PPP1R12B: variants seen among roughly 807,000 people sequenced by gnomAD.
PPP1R12B encodes the protein protein phosphatase 1 regulatory subunit 12B, also known as myosin phosphatase target subunit 2.
In PPP1R12B, 76 loss-of-function variants were observed where a neutral mutation model predicts 126.1. The observed-to-expected ratio is 0.60, with a 90% CI of 0.50 to 0.73. The LOEUF (loss-of-function observed/expected upper bound fraction) is 0.73, where lower values mean the gene tolerates loss of function less well. PPP1R12B is among the 30% of genes least tolerant of loss of function. The probability of loss-of-function intolerance (pLI) is 0.00; values close to 1 mark genes in which losing one functional copy is unlikely to be tolerated. For synonymous variants in PPP1R12B, 356 were observed against 434.7 expected (o/e 0.82, Z 2.25); for missense variants, 1,052 against 1,205.1 (o/e 0.87, Z 1.88).
intron 1 of PPP1R12B, among the ~76,000 whole-genome samples, chr1:202,365,987 C>T (rs1213615033): frequency 6.6e-6 from 1 of 151,946 alleles, no homozygotes; most frequent in Non-Finnish European, 1.5e-5. Context: ...AAGACCCTGT[C>T]CCTCCACTCC....
At chr1:202,550,549 T>G (rs1686200752) in intron 18 of PPP1R12B, among the ~76,000 whole-genome samples, 1 of 152,232 alleles carries the variant, frequency 6.6e-6, no homozygotes, top group Admixed American at 6.5e-5. Flanking sequence ...GCTTCTTAGG[T>G]GTTCATTGAG....
chr1:202,417,627 A>G (rs995505654), intron 2 of PPP1R12B, among the ~76,000 whole-genome samples: 8 of 152,242 alleles, frequency 5.3e-5, no homozygotes, highest in African/African-American at 1.7e-4. Context: ...ATGGCAGTCG[A>G]AACATCTTTA....
chr1:202,381,268 A>G (rs1043691835), intron 1 of PPP1R12B, among the ~76,000 whole-genome samples: 6 of 152,150 alleles, frequency 3.9e-5, no homozygotes, highest in East Asian at 1.9e-4. Flanking sequence ...GTGATTATCT[A>G]TCTTACCCTT....
Position 202,422,709 on chromosome 1 carries a change from A to G in PPP1R12B, c.512A>G (p.Asp171Gly), listed in dbSNP as rs774709705. The part of the protein sequence containing the change: ...SDLAEEPAMK[D>G]LLLEQVKKQG... ...CTTGCAGAAGAGCCAGCCATGAAGGATCTTCTTCTGGAGCAAGTAAAGAAG... is the reference window on the plus strand; with the variant it reads ...CTTGCAGAAGAGCCAGCCATGAAGGGTCTTCTTCTGGAGCAAGTAAAGAAG... The change falls in exon 3 of 24, where the codon GAT becomes GGT. Residue 171 changes from aspartate to glycine, a missense_variant. Asp to Gly is a moderately conservative substitution (Grantham distance 94, BLOSUM62 -1). Coordinates refer to ENST00000608999, the MANE Select transcript of PPP1R12B (RefSeq NM_002481.4). 6.2e-7 allele frequency: 1 copy of G among 1,613,804 alleles called. No homozygotes were observed. The highest frequency in any genetic ancestry group is 8.5e-7 in the Non-Finnish European group (1 of 1,179,784).
intron 13 of PPP1R12B, among the ~76,000 whole-genome samples, chr1:202,464,007 T>G (rs543925125): frequency 1.3e-5 from 2 of 152,196 alleles, no homozygotes; most frequent in African/African-American, 4.8e-5. Flanking sequence ...ATGCGTGACC[T>G]TCTTTCTAGA....
chr1:202,437,877 A>G lies in PPP1R12B; in HGVS notation c.1311A>G (p.Ser437=), dbSNP rs767242488. 1 of 1,613,900 alleles carries G rather than the reference A, an allele frequency of 6.2e-7. No individual in the cohort carries two copies. The highest frequency in any genetic ancestry group is 8.5e-7 in the Non-Finnish European group (1 of 1,179,858). The change falls in exon 10 of 24, where the codon TCA becomes TCG. Residue 437 remains serine (S), a synonymous_variant. Coordinates refer to ENST00000608999, the MANE Select transcript of PPP1R12B (RefSeq NM_002481.4). ...PEEPKDESPS[S]WRLGLRKTGS... is the part of the protein sequence containing the mutation. ...AGCCCAAAGATGAATCTCCTTCTTC[A>G]TGGAGATTGGGACTGAGAAAAACTG...
chr1:202,490,758 A>C (rs182304412), intron 14 of PPP1R12B, among the ~76,000 whole-genome samples: 1 of 152,340 alleles, frequency 6.6e-6, no homozygotes, highest in Non-Finnish European at 1.5e-5. Context: ...TACTTAGCAT[A>C]GTTATCAAGG....
At chr1:202,467,480 T>C (rs1675190749) in intron 13 of PPP1R12B, among the ~76,000 whole-genome samples, 1 of 151,654 alleles carries the variant, frequency 6.6e-6, no homozygotes, top group African/African-American at 2.4e-5. Context: ...CGGTGTTTGG[T>C]TTTTTGTCCT....
At chr1:202,567,884 T>C (rs569435094) in intron 22 of PPP1R12B, 53 bp downstream of exon 22, 39 of 1,590,202 alleles carry the variant, frequency 2.5e-5, no homozygotes, top group Non-Finnish European at 3.2e-5. Flanking sequence ...TCTTTCTGAC[T>C]CTCTCCCACT....
At chr1:202,380,786 C>T (rs1482097604) in intron 1 of PPP1R12B, among the ~76,000 whole-genome samples, 2 of 152,120 alleles carry the variant, frequency 1.3e-5, no homozygotes, top group African/African-American at 2.4e-5. Flanking sequence ...TGTGTATATG[C>T]CTTTTGAATT....
In PPP1R12B at chr1:202,583,114, T is replaced by A. The variant is rs1357898601; in HGVS notation, c.*2554T>A. 6.6e-6 allele frequency: 1 copy of A among 152,206 alleles called. No homozygotes were observed. Among genetic ancestry groups the A allele is most frequent in the Admixed American group, 6.5e-5 (1 of 15,284 alleles). The allele number at this position is 152,206 out of a possible 1,614,324, so 9.4% of individuals were successfully genotyped here. A position where few individuals can be genotyped will look rare whatever the true frequency, so the allele number is the denominator to read the frequency against. On this transcript the variant is annotated 3_prime_UTR_variant, in exon 24 of 24. Transcript: ENST00000608999. ...GTAATAAGTTTTATATCCTTCATTCTGGGAGAGGAAATCAACATAAGGTGT... is the reference window on the plus strand; with the variant it reads ...GTAATAAGTTTTATATCCTTCATTCAGGGAGAGGAAATCAACATAAGGTGT...
At chr1:202,466,932 C>CT (rs1272139388) in intron 13 of PPP1R12B, among the ~76,000 whole-genome samples, 2 of 152,088 alleles carry the variant, frequency 1.3e-5, no homozygotes, top group African/African-American at 4.8e-5. Flanking sequence ...GGAAATCAAA[C>CT]TAGAAGGCTT....
rs1461939533 is a variant in PPP1R12B, at chr1:202,508,090, C to T, written c.2490+11268C>T. Among the ~76,000 whole-genome samples, 1 of 152,180 alleles carries T rather than the reference C, an allele frequency of 6.6e-6. No homozygotes were observed. The highest frequency in any genetic ancestry group is 1.5e-5 in the Non-Finnish European group (1 of 68,028). On this transcript the variant is annotated intron_variant, in intron 18 of 23. Transcript: ENST00000608999. This position sits in a 1 kb window ranked among gnomAD's most constrained non-coding sequence, Gnocchi z 4.5. The stretch of plus-strand genomic sequence containing the variant: ...TACCTATCCCAAGCTGTAAAGCTTC[C>T]TGTATAAAGCTTGTAAAAATGTAAA...
chr1:202,536,361 C>T (rs956645516), intron 18 of PPP1R12B, among the ~76,000 whole-genome samples: 16 of 152,094 alleles, frequency 1.1e-4, no homozygotes, highest in African/African-American at 3.6e-4. Flanking sequence ...AGAGCTGGAA[C>T]ATGATAAGTA....
chr1:202,353,480 C>A (rs1027653806), intron 1 of PPP1R12B, among the ~76,000 whole-genome samples: 10 of 151,498 alleles, frequency 6.6e-5, no homozygotes, highest in Admixed American at 4.6e-4. Flanking sequence ...GACCTCAAAG[C>A]CATATTGGGA....
chr1:202,418,436 G>C (rs1261715256), intron 2 of PPP1R12B, among the ~76,000 whole-genome samples: 1 of 150,940 alleles, frequency 6.6e-6, no homozygotes, highest in Admixed American at 6.6e-5. Context: ...TTATCCTCCT[G>C]TGTGTGAAGC....
At chr1:202,351,227 G>A (rs1901523) in intron 1 of PPP1R12B, among the ~76,000 whole-genome samples, 3,382 of 149,030 alleles carry the variant, frequency 0.023, 130 homozygotes, top group African/African-American at 0.079. Context: ...TGTTGTTGTT[G>A]TTGTTGTTGT....
chr1:202,353,829 T>C (rs1656524742), intron 1 of PPP1R12B, among the ~76,000 whole-genome samples: 1 of 152,056 alleles, frequency 6.6e-6, no homozygotes, highest in South Asian at 2.1e-4. Context: ...CCAGGGCTGA[T>C]CTTGAACTCC....
intron 12 of PPP1R12B, among the ~76,000 whole-genome samples, chr1:202,444,185 A>C (rs113596508): frequency 6.4e-4 from 97 of 152,326 alleles, no homozygotes; most frequent in African/African-American, 2.1e-3. Flanking sequence ...ATCTTTGAAA[A>C]TGAGAATGAG....
Sources: gnomAD v4.1 joint callset for allele counts (sites outside exome capture counted in the v4.1 genomes callset) on GRCh38, gnomAD v4.1.1 for gene constraint, Gnocchi (gnomAD v3.1) non-coding constraint, MANE v1.5 for transcripts, NCBI Gene and HGNC (gene_info 2026-07-23, HGNC 2026-07-21) for gene names.